SV2C: variants seen among roughly 807,000 people sequenced by gnomAD.
SV2C encodes solute carrier family 22 member B3.
A neutral mutation model predicts 79.7 loss-of-function variants in SV2C; 49 were observed. The observed-to-expected ratio is 0.61, with a 90% CI of 0.49 to 0.78. The LOEUF is 0.78. Among genes scored for constraint, SV2C ranks in the 30% least tolerant of loss-of-function variants. The probability of loss-of-function intolerance (pLI) is 0.00; values close to 1 mark genes in which losing one functional copy is unlikely to be tolerated. For missense variants in SV2C, 833 were observed against 912.9 expected, an observed-to-expected ratio of 0.91 and a Z score of 1.13; for synonymous variants, 334 against 333.2, an observed-to-expected ratio of 1.00 and a Z score of -0.03.
intron 1 of SV2C, among the ~76,000 whole-genome samples, chr5:76,119,288 T>C (rs1291718728): frequency 6.6e-6 from 1 of 152,198 alleles, no homozygotes; most frequent in Non-Finnish European, 1.5e-5. Context: ...AAACCCCCTC[T>C]TTCCACCCTG....
chr5:75,899,720 T>A, the SV2C span, among the ~76,000 whole-genome samples: 1 of 152,194 alleles, frequency 6.6e-6, no homozygotes, highest in Admixed American at 6.5e-5. Flanking sequence ...TGTAGGTCAC[T>A]CAGGACTTGC....
intron 2 of SV2C, among the ~76,000 whole-genome samples, chr5:76,182,388 T>C (rs1743761040): frequency 1.3e-5 from 2 of 152,202 alleles, no homozygotes; most frequent in Admixed American, 1.3e-4. Context: ...ACAACAACTA[T>C]GGTCTCTGAT....
the SV2C span, among the ~76,000 whole-genome samples, chr5:75,995,906 A>G: frequency 6.6e-6 from 1 of 152,138 alleles, no homozygotes; most frequent in Admixed American, 6.6e-5. Flanking sequence ...TGAGCCCACA[A>G]CATAACTAGA....
rs570463869 is a variant in SV2C at position 76,324,873 on chromosome 5, A to T, written c.2001-491A>T. Among the ~76,000 whole-genome samples the T allele has an allele frequency of 1.1e-4, 17 of 151,864 alleles. No homozygotes were observed. The East Asian group carries it at 3.1e-3, about 28-fold the overall frequency. ...TATCTCTACAAAAATAAAAATAAAA[A>T]TTAGCTGTGTATGGTGGTGTGCACC... On this transcript the variant is annotated intron_variant, in intron 12 of 12. Coordinates refer to ENST00000502798, the MANE Select transcript of SV2C (RefSeq NM_014979.4).
chr5:76,234,248 C>T (rs1245535109), intron 4 of SV2C, among the ~76,000 whole-genome samples: 1 of 152,162 alleles, frequency 6.6e-6, no homozygotes, highest in Non-Finnish European at 1.5e-5. Flanking sequence ...AATATTTTCT[C>T]TTTTTGCTGC....
At chr5:76,290,733 G>A (rs1747533869) in intron 6 of SV2C, among the ~76,000 whole-genome samples, 1 of 152,206 alleles carries the variant, frequency 6.6e-6, no homozygotes, top group African/African-American at 2.4e-5. Flanking sequence ...TTAGGCTGTG[G>A]GAGAAGGAAG....
chr5:76,203,387 G>A (rs774289656), intron 3 of SV2C, among the ~76,000 whole-genome samples: 2 of 152,188 alleles, frequency 1.3e-5, no homozygotes, highest in Non-Finnish European at 2.9e-5. Context: ...AATGTATACA[G>A]CAAGAGGCTA....
the SV2C span, among the ~76,000 whole-genome samples, chr5:75,957,371 T>A: frequency 6.6e-6 from 1 of 152,050 alleles, no homozygotes; most frequent in Non-Finnish European, 1.5e-5. Context: ...TGAGCTGCTA[T>A]AAACCTTACC....
At chr5:76,041,919 C>T in the SV2C span, among the ~76,000 whole-genome samples, 3 of 152,124 alleles carry the variant, frequency 2.0e-5, no homozygotes, top group African/African-American at 7.2e-5. Flanking sequence ...GCGTCCTCCC[C>T]TGGCAGAACT....
the SV2C span, among the ~76,000 whole-genome samples, chr5:75,971,780 C>A: frequency 6.6e-6 from 1 of 152,064 alleles, no homozygotes; most frequent in African/African-American, 2.4e-5. Flanking sequence ...AATGCCATCC[C>A]CATCAAGCTA....
intron 2 of SV2C, among the ~76,000 whole-genome samples, chr5:76,176,099 G>C (rs1242475555): frequency 6.6e-6 from 1 of 152,156 alleles, no homozygotes; most frequent in East Asian, 1.9e-4. Flanking sequence ...TTGTGTGCAT[G>C]GTGTTCTCCC....
In SV2C at chr5:76,176,197, T is replaced by C. The variant is rs1362819903; in HGVS notation, c.581-18722T>C. ...TTTTGAGATTTAAATGTTCAAGACT[T>C]AAGTGATTACCGATGGGGAAAATAG... On this transcript the variant is annotated intron_variant, in intron 2 of 12. Transcript: ENST00000502798. Among the ~76,000 whole-genome samples the C allele has an allele frequency of 3.9e-5, 6 of 152,200 alleles. No individual in the cohort carries two copies. In the East Asian group the frequency reaches 7.7e-4, roughly 20 times the overall value.
intron 1 of SV2C, among the ~76,000 whole-genome samples, chr5:76,098,802 A>G (rs1486885008): frequency 1.3e-5 from 2 of 152,246 alleles, no homozygotes; most frequent in East Asian, 1.9e-4. Flanking sequence ...ATGTGAGACC[A>G]TGAATCCAGG....
At chr5:75,917,606 T>G in the SV2C span, among the ~76,000 whole-genome samples, 18,513 of 151,960 alleles carry the variant, frequency 0.12, 1,170 homozygotes, top group Middle Eastern at 0.18. Context: ...TTTGGAGATA[T>G]AAAAATCAAA....
intron 6 of SV2C, among the ~76,000 whole-genome samples, chr5:76,288,883 T>C (rs1179577120): frequency 6.6e-6 from 1 of 152,096 alleles, no homozygotes; most frequent in Non-Finnish European, 1.5e-5. Flanking sequence ...TCTTTTTTTT[T>C]TTTCCTTATT....
At chr5:76,225,602 T>C (rs1745212346) in intron 4 of SV2C, among the ~76,000 whole-genome samples, 2 of 152,194 alleles carry the variant, frequency 1.3e-5, no homozygotes, top group South Asian at 4.1e-4. Context: ...CAAAAAAAAT[T>C]GCTCTTGTGT....
the SV2C span, among the ~76,000 whole-genome samples, chr5:75,967,402 C>T: frequency 1.3e-5 from 2 of 152,184 alleles, no homozygotes; most frequent in African/African-American, 4.8e-5. Flanking sequence ...CGCAAGGGGT[C>T]AAGGAATTCC....
the SV2C span, among the ~76,000 whole-genome samples, chr5:75,858,282 T>C: frequency 6.6e-6 from 1 of 152,206 alleles, no homozygotes; most frequent in African/African-American, 2.4e-5. Context: ...GTTCCTTCTA[T>C]ACCCATTTTT....
the SV2C span, among the ~76,000 whole-genome samples, chr5:76,066,462 G>C: frequency 9.1e-6 from 1 of 109,834 alleles, no homozygotes; most frequent in South Asian, 4.3e-4. Flanking sequence ...GTGGGGGGAG[G>C]GGGGAGGGGG....
Sources: allele counts gnomAD v4.1 joint callset (sites outside exome capture counted in the v4.1 genomes callset), GRCh38; gene constraint gnomAD v4.1.1; transcripts MANE v1.5; gene names NCBI Gene and HGNC (gene_info 2026-07-23, HGNC 2026-07-21).